The following PTPRD variants were observed in gnomAD, a reference collection of about 807,000 sequenced individuals.
The protein encoded by PTPRD is protein tyrosine phosphatase receptor type D.
In PTPRD, 34 loss-of-function variants were observed where a neutral mutation model predicts 214.5. That is an observed-to-expected ratio of 0.16 (90% CI 0.12 to 0.21). The LOEUF (loss-of-function observed/expected upper bound fraction) is 0.21. PTPRD is among the 10% of genes least tolerant of loss of function. PTPRD has a pLI of 1.00. For missense variants in PTPRD, 2,545 were observed against 2,398.7 expected, an observed-to-expected ratio of 1.06 and a Z score of -1.27; for synonymous variants, 1,128 against 845.7, an observed-to-expected ratio of 1.33 and a Z score of -5.79.
chr9:9,230,380 A>C (rs948437268), intron 9 of PTPRD, among the ~76,000 whole-genome samples: 2 of 152,162 alleles, frequency 1.3e-5, no homozygotes, highest in Non-Finnish European at 2.9e-5. Flanking sequence ...GATATGCCCC[A>C]TTCATCTCTT....
At chr9:10,221,659 T>C (rs2099571502) in intron 3 of PTPRD, among the ~76,000 whole-genome samples, 1 of 152,056 alleles carries the variant, frequency 6.6e-6, no homozygotes, top group South Asian at 2.1e-4. Context: ...TTCTGGTGTG[T>C]ATAAATAGAT....
chr9:9,269,161 C>G (rs1941640384), intron 9 of PTPRD, among the ~76,000 whole-genome samples: 1 of 151,224 alleles, frequency 6.6e-6, no homozygotes, highest in South Asian at 2.1e-4. Flanking sequence ...TACAACTCAA[C>G]AACAATAAAG....
intron 32 of PTPRD, among the ~76,000 whole-genome samples, chr9:8,462,718 T>G (rs1397509732): frequency 6.6e-6 from 1 of 151,916 alleles, no homozygotes; most frequent in Non-Finnish European, 1.5e-5. Context: ...TTTAATTGAC[T>G]GGCAGTGATC....
At chr9:10,264,019 G>T (rs555164285) in intron 3 of PTPRD, among the ~76,000 whole-genome samples, 2 of 152,202 alleles carry the variant, frequency 1.3e-5, no homozygotes, top group African/African-American at 4.8e-5. Context: ...AGCTTCCACA[G>T]GGTGCTGAGC....
rs915756263 is a variant in PTPRD, at chr9:9,301,452, T to C, written c.-203+95997A>G. ...ACAGAACTAGACTGAGTACTTACTT[T>C]AAACAGTGAGAAGCATAACAGTGGG... On this transcript the variant is annotated intron_variant, in intron 9 of 45. Transcript: ENST00000381196. Among the ~76,000 whole-genome samples, 41 of 151,824 alleles carry C rather than the reference T, an allele frequency of 2.7e-4. 1 individual carries two copies. Among genetic ancestry groups the C allele is most frequent in the African/African-American group, 9.6e-4 (40 of 41,462 alleles).
At position 9,379,996 on chromosome 9, in the gene PTPRD, C is replaced by T. The variant is rs561404692; in HGVS notation, c.-203+17453G>A. 3.2e-3 allele frequency among the ~76,000 whole-genome samples: 479 copies of T among 151,274 alleles called. 6 individuals carry two copies. The highest frequency in any genetic ancestry group is 3.7e-3 in the Non-Finnish European group (249 of 67,716). On this transcript the variant is annotated intron_variant, in intron 9 of 45. Coordinates refer to ENST00000381196, the MANE Select transcript of PTPRD (RefSeq NM_002839.4). The stretch of plus-strand genomic sequence containing the variant: ...AAAGATATTTTCATTTTTTTCTTTT[C>T]CCTTCTATATATTTTAATTTCGTCT...
intron 7 of PTPRD, among the ~76,000 whole-genome samples, chr9:9,645,318 A>G (rs1274302613): frequency 6.6e-5 from 10 of 152,148 alleles, no homozygotes; most frequent in Non-Finnish European, 1.5e-4. Context: ...GAGTTGCTCT[A>G]GAGACAAAAT....
intron 3 of PTPRD, among the ~76,000 whole-genome samples, chr9:10,155,442 T>C (rs537145119): frequency 2.0e-5 from 3 of 152,278 alleles, no homozygotes; most frequent in African/African-American, 4.8e-5. Flanking sequence ...GCTTTATTTC[T>C]TTCTCTTGCC....
intron 14 of PTPRD, among the ~76,000 whole-genome samples, chr9:8,613,419 T>C (rs1021008442): frequency 6.6e-6 from 1 of 152,164 alleles, no homozygotes; most frequent in Non-Finnish European, 1.5e-5. Context: ...ACTTCAACCA[T>C]ATCTAGAAAT....
At chr9:9,400,389 G>A (rs1036006006) in intron 8 of PTPRD, among the ~76,000 whole-genome samples, 2 of 151,838 alleles carry the variant, frequency 1.3e-5, no homozygotes, top group South Asian at 4.1e-4. Context: ...ACATTTAAAA[G>A]GAGATTTTCT....
intron 9 of PTPRD, among the ~76,000 whole-genome samples, chr9:9,216,911 T>A (rs371777419): frequency 3.2e-4 from 48 of 152,318 alleles, no homozygotes; most frequent in African/African-American, 1.2e-3. Context: ...TTATTGTTTT[T>A]TCTTCTGAAT....
intron 14 of PTPRD, among the ~76,000 whole-genome samples, chr9:8,623,809 G>A (rs182748015): frequency 1.7e-4 from 26 of 150,794 alleles, no homozygotes; most frequent in Admixed American, 1.6e-3. Flanking sequence ...TTGAACTCGG[G>A]TCTGTCTGTT....
intron 11 of PTPRD, among the ~76,000 whole-genome samples, chr9:8,809,389 C>G (rs551511722): frequency 8.5e-4 from 129 of 152,174 alleles, no homozygotes; most frequent in African/African-American, 2.7e-3. Context: ...AACGAGATTT[C>G]CAGAGGTTGA....
At chr9:9,002,591 G>T (rs918292641) in intron 11 of PTPRD, among the ~76,000 whole-genome samples, 3 of 151,828 alleles carry the variant, frequency 2.0e-5, no homozygotes, top group Admixed American at 2.0e-4. Flanking sequence ...CAACAATAAG[G>T]CCCTTTATGA....
rs1219762913 is a variant in PTPRD, at chr9:10,612,405, G to A, written c.-607C>T. 2 of 152,232 alleles carry A rather than the reference G, an allele frequency of 1.3e-5. No homozygotes were observed. Among genetic ancestry groups the A allele is most frequent in the Non-Finnish European group, 2.9e-5 (2 of 68,102 alleles). 9.4% of individuals were successfully genotyped at this position (152,232 alleles called of 1,614,324 possible). On this transcript the variant is annotated 5_prime_UTR_variant, in exon 2 of 46. Coordinates refer to ENST00000381196, the MANE Select transcript of PTPRD (RefSeq NM_002839.4). Reference sequence around the variant, plus strand: ...GAAGCACAGTTTACTTACTAAAGCAGCCGCTCCAGTCCTCCTTGGAAACCC... The same window carrying A: ...GAAGCACAGTTTACTTACTAAAGCAACCGCTCCAGTCCTCCTTGGAAACCC...
At chr9:10,498,578 T>C (rs531056952) in intron 2 of PTPRD, among the ~76,000 whole-genome samples, 3 of 152,056 alleles carry the variant, frequency 2.0e-5, no homozygotes, top group East Asian at 1.9e-4. Flanking sequence ...ACTTTTAAGA[T>C]ATACGCATTT....
At chr9:8,557,301 C>T (rs1447685937) in intron 14 of PTPRD, among the ~76,000 whole-genome samples, 3 of 151,912 alleles carry the variant, frequency 2.0e-5, no homozygotes, top group Non-Finnish European at 4.4e-5. Flanking sequence ...AAGACTAGCA[C>T]AGTGTCTGAT....
chr9:10,272,438 T>C (rs752118257), intron 3 of PTPRD, among the ~76,000 whole-genome samples: 4 of 152,244 alleles, frequency 2.6e-5, no homozygotes, highest in Non-Finnish European at 5.9e-5. Flanking sequence ...GGTGGACATA[T>C]GTGTTCATTT....
At chr9:8,507,730 T>C (rs1315308924) in intron 21 of PTPRD, among the ~76,000 whole-genome samples, 4 of 152,198 alleles carry the variant, frequency 2.6e-5, no homozygotes, top group African/African-American at 9.6e-5. Context: ...CTTCATGATA[T>C]GGTTGTTAGT....
Sources: allele counts gnomAD v4.1 joint callset (sites outside exome capture counted in the v4.1 genomes callset), GRCh38; gene constraint gnomAD v4.1.1; transcripts MANE v1.5; gene names NCBI Gene and HGNC (gene_info 2026-07-23, HGNC 2026-07-21).